The following TTC29 variants were observed in gnomAD, a reference collection of about 807,000 sequenced individuals.
TTC29 encodes the protein tetratricopeptide repeat domain 29, also known as tetratricopeptide repeat protein 29.
In TTC29, 49 loss-of-function variants were observed where a neutral mutation model predicts 58.1. That is an observed-to-expected ratio of 0.84 (90% CI 0.67 to 1.07). TTC29 has a LOEUF of 1.07. Ranked by LOEUF, TTC29 falls within the 50% of genes least tolerant of loss-of-function variation. TTC29 has a pLI of 0.00. For missense variants in TTC29, 582 were observed against 555.6 expected, an observed-to-expected ratio of 1.05 and a Z score of -0.48; for synonymous variants, 209 against 196.8, an observed-to-expected ratio of 1.06 and a Z score of -0.52.
chr4:146,855,412 G>A (rs1247275493), intron 8 of TTC29, among the ~76,000 whole-genome samples: 11 of 119,362 alleles, frequency 9.2e-5, no homozygotes, highest in Admixed American at 3.7e-4. Flanking sequence ...CAGCCTGGGC[G>A]ACAGTGAGAA....
At chr4:146,926,758 C>T (rs1396114597) in intron 4 of TTC29, among the ~76,000 whole-genome samples, 1 of 152,110 alleles carries the variant, frequency 6.6e-6, no homozygotes, top group Admixed American at 6.6e-5. Flanking sequence ...CCACCACGTC[C>T]AGCCTACAAA....
At chr4:146,801,407 G>A (rs369287847) in intron 11 of TTC29, among the ~76,000 whole-genome samples, 1 of 152,014 alleles carries the variant, frequency 6.6e-6, no homozygotes, top group African/African-American at 2.4e-5. Flanking sequence ...GACCCAAAAG[G>A]TTATTATTTT....
chr4:146,888,063 A>C (rs1391785082), intron 6 of TTC29, among the ~76,000 whole-genome samples: 1 of 152,122 alleles, frequency 6.6e-6, no homozygotes, highest in Non-Finnish European at 1.5e-5. Context: ...TTAATGGAGC[A>C]AAGCTTCCCC....
chr4:146,877,100 C>A (rs192605398), intron 6 of TTC29, among the ~76,000 whole-genome samples: 5 of 152,098 alleles, frequency 3.3e-5, no homozygotes, highest in Admixed American at 3.3e-4. Context: ...TAGGAGACTG[C>A]AGGCCATGAG....
At chr4:146,919,814 T>C (rs1399517525) in intron 4 of TTC29, among the ~76,000 whole-genome samples, 4 of 151,138 alleles carry the variant, frequency 2.6e-5, no homozygotes, top group African/African-American at 9.7e-5. Context: ...TTCAGGGAAA[T>C]ATCAAACTTT....
intron 11 of TTC29, among the ~76,000 whole-genome samples, chr4:146,724,323 A>G (rs189487663): frequency 9.5e-4 from 145 of 152,302 alleles, no homozygotes; most frequent in African/African-American, 3.2e-3. Context: ...CCTCAGCATC[A>G]CAGAATATGT....
intron 4 of TTC29, among the ~76,000 whole-genome samples, chr4:146,924,121 A>ATATTAC (rs1734773885): frequency 6.6e-6 from 1 of 151,816 alleles, no homozygotes; most frequent in Non-Finnish European, 1.5e-5. Context: ...AGCATGTGCT[A>ATATTAC]TATTACTTTT....
At chr4:146,802,937 G>T (rs1750334623) in intron 11 of TTC29, among the ~76,000 whole-genome samples, 2 of 152,060 alleles carry the variant, frequency 1.3e-5, no homozygotes, top group Non-Finnish European at 2.9e-5. Flanking sequence ...ATTTTGAATA[G>T]AATTCTTCAA....
intron 8 of TTC29, among the ~76,000 whole-genome samples, chr4:146,853,046 T>G (rs1182158911): frequency 1.3e-5 from 2 of 152,144 alleles, no homozygotes; most frequent in Non-Finnish European, 2.9e-5. Context: ...TACTAAAGAT[T>G]TTTACCATGA....
intron 10 of TTC29, among the ~76,000 whole-genome samples, chr4:146,808,671 A>G (rs1052224255): frequency 3.0e-4 from 46 of 152,156 alleles, no homozygotes; most frequent in African/African-American, 1.1e-3. Flanking sequence ...TAGAAATACA[A>G]CTTACAGGGA....
intron 11 of TTC29, among the ~76,000 whole-genome samples, chr4:146,711,119 A>AACTC (rs1371585383): frequency 6.6e-6 from 1 of 152,144 alleles, no homozygotes; most frequent in Non-Finnish European, 1.5e-5. Context: ...AAGGGTAAAT[A>AACTC]ACTCATTCAT....
chr4:146,815,101 G>A (rs968007249), intron 10 of TTC29, among the ~76,000 whole-genome samples: 4 of 152,048 alleles, frequency 2.6e-5, no homozygotes, highest in Admixed American at 2.0e-4. Flanking sequence ...CAGAGAAATC[G>A]CATTTTACAT....
intron 6 of TTC29, among the ~76,000 whole-genome samples, chr4:146,899,121 C>T (rs1227480396): frequency 6.6e-6 from 1 of 152,200 alleles, no homozygotes; most frequent in African/African-American, 2.4e-5. Context: ...GCTTGGACCC[C>T]AGTCCCTCAT....
intron 11 of TTC29, among the ~76,000 whole-genome samples, chr4:146,779,194 A>G (rs942412812): frequency 3.3e-5 from 5 of 151,988 alleles, no homozygotes; most frequent in African/African-American, 1.2e-4. Flanking sequence ...GAAGACTTTA[A>G]AAAATATTTT....
chr4:146,728,849 A>ATATACG (rs1561066752), intron 11 of TTC29, among the ~76,000 whole-genome samples: 30 of 54,358 alleles, frequency 5.5e-4, no homozygotes, highest in South Asian at 2.4e-3. Context: ...ATATATATGT[A>ATATACG]TATATATACA....
intron 11 of TTC29, among the ~76,000 whole-genome samples, chr4:146,753,665 C>A (rs1215023523): frequency 2.0e-5 from 3 of 152,086 alleles, no homozygotes; most frequent in African/African-American, 7.2e-5. Context: ...AAATGTCCAA[C>A]AATGATAGAC....
intron 11 of TTC29, among the ~76,000 whole-genome samples, chr4:146,769,648 C>G (rs892911726): frequency 2.0e-5 from 3 of 152,042 alleles, no homozygotes; most frequent in African/African-American, 7.2e-5. Context: ...TCTGTCTTCA[C>G]TTGGTGATAT....
chr4:146,869,652 C>G (rs571597685), intron 7 of TTC29, among the ~76,000 whole-genome samples: 1 of 152,174 alleles, frequency 6.6e-6, no homozygotes, highest in East Asian at 1.9e-4. Context: ...TGTTAAAGCA[C>G]TAGCAACTGG....
chr4:146,792,358 T>C (rs1057200228), intron 11 of TTC29, among the ~76,000 whole-genome samples: 32 of 152,196 alleles, frequency 2.1e-4, no homozygotes, highest in African/African-American at 7.0e-4. Flanking sequence ...GCTCTATAAA[T>C]GGAACAACAA....
Sources: gnomAD v4.1 joint callset for allele counts (sites outside exome capture counted in the v4.1 genomes callset) on GRCh38, gnomAD v4.1.1 for gene constraint, MANE v1.5 for transcripts, NCBI Gene and HGNC (gene_info 2026-07-23, HGNC 2026-07-21) for gene names.